The following DPP6 variants were observed in gnomAD, a reference collection of about 807,000 sequenced individuals.
The protein encoded by DPP6 is A-type potassium channel modulatory protein DPP6.
Under a neutral mutation model 122.6 loss-of-function variants are expected in DPP6, and 69 were observed. The ratio of observed to expected loss-of-function variants is 0.56; its 90% CI spans 0.46 to 0.69. The LOEUF is 0.69. Ranked by LOEUF, DPP6 falls within the 30% of genes least tolerant of loss-of-function variation. The probability of loss-of-function intolerance (pLI) is 0.00; values close to 1 mark genes in which losing one functional copy is unlikely to be tolerated. For synonymous variants in DPP6, 418 were observed against 433.1 expected (o/e 0.97, Z 0.43); for missense variants, 928 against 1,116.9 (o/e 0.83, Z 2.41).
chr7:154,786,758 G>A (rs1797362622), intron 10 of DPP6, among the ~76,000 whole-genome samples: 3 of 152,118 alleles, frequency 2.0e-5, no homozygotes, highest in African/African-American at 7.2e-5. Context: ...CTTTCCAAAA[G>A]CTTTTTGAAT....
At chr7:154,723,354 CAA>C (rs1321839378) in intron 7 of DPP6, among the ~76,000 whole-genome samples, 2 of 150,608 alleles carry the variant, frequency 1.3e-5, no homozygotes, top group African/African-American at 4.9e-5. Flanking sequence ...AAAACCAAAG[CAA>C]AAAAAGAGGA....
intron 1 of DPP6, among the ~76,000 whole-genome samples, chr7:154,264,104 A>G (rs891124219): frequency 6.6e-6 from 1 of 152,172 alleles, no homozygotes; most frequent in African/African-American, 2.4e-5. Flanking sequence ...CTTTAACACA[A>G]TTAAAGCTCA....
chr7:153,791,885 CA>C, the DPP6 span, among the ~76,000 whole-genome samples: 1 of 152,098 alleles, frequency 6.6e-6, no homozygotes, highest in South Asian at 2.1e-4. Flanking sequence ...TTATTTGTAC[CA>C]AGTGATTTTA....
intron 1 of DPP6, among the ~76,000 whole-genome samples, chr7:153,955,260 A>G (rs1332728434): frequency 6.6e-6 from 1 of 152,108 alleles, no homozygotes; most frequent in East Asian, 1.9e-4. Flanking sequence ...CCTAGTGAAT[A>G]TTTGTCTAGA....
At chr7:154,749,669 A>C (rs1465405127) in intron 8 of DPP6, among the ~76,000 whole-genome samples, 16 of 81,514 alleles carry the variant, frequency 2.0e-4, no homozygotes, top group African/African-American at 6.3e-4. Flanking sequence ...CATTACTGAG[A>C]GAGGATGAGA....
Position 154,252,235 on chromosome 7 carries a change from T to TGTGTGTGTGTGC in DPP6, c.244-193978_244-193977insTGTGTGTGTGCG, listed in dbSNP as rs60245069. On this transcript the variant is annotated intron_variant, in intron 1 of 25. Transcript: ENST00000377770. ...TCACGTGTGTGTGTGTGTGTGTGTG[T>TGTGTGTGTGTGC]GCGCGCATGCGCACGGTGGTGGTGG... 5.1e-4 allele frequency among the ~76,000 whole-genome samples: 76 copies of TGTGTGTGTGTGC among 149,344 alleles called. 1 individual carries two copies. The highest frequency in any genetic ancestry group is 1.9e-3 in the African/African-American group (74 of 39,186).
chr7:153,925,639 T>C (rs1168474493), intron 1 of DPP6, among the ~76,000 whole-genome samples: 1 of 151,876 alleles, frequency 6.6e-6, no homozygotes, highest in Non-Finnish European at 1.5e-5. Flanking sequence ...GAGGTTCTGA[T>C]AAAGGGAGAT....
At chr7:154,578,684 A>G (rs924122767) in intron 5 of DPP6, among the ~76,000 whole-genome samples, 2 of 152,268 alleles carry the variant, frequency 1.3e-5, no homozygotes, top group African/African-American at 2.4e-5. Context: ...ACTTGNCTCT[A>G]GTGGACGGTG....
chr7:154,022,224 A>G (rs1487498526), intron 1 of DPP6, among the ~76,000 whole-genome samples: 2 of 152,098 alleles, frequency 1.3e-5, no homozygotes, highest in African/African-American at 4.8e-5. Context: ...AAAGTAATAA[A>G]TTATTATGAG....
chr7:154,129,264 A>G (rs1215905819), intron 1 of DPP6, among the ~76,000 whole-genome samples: 1 of 152,138 alleles, frequency 6.6e-6, no homozygotes, highest in Admixed American at 6.5e-5. Flanking sequence ...TGACATTAAC[A>G]AGAGGCTTAT....
rs371365609 is a variant in DPP6 at position 154,532,310 on chromosome 7, C to A, written c.458-8222C>A. On this transcript the variant is annotated intron_variant, in intron 3 of 25. Transcript: ENST00000377770. ...TGAACTGAATAATAATGTAATTGAGCATATCAAAATTTGTGAGACGTCACT... is the reference window on the plus strand; with the variant it reads ...TGAACTGAATAATAATGTAATTGAGAATATCAAAATTTGTGAGACGTCACT... Among the ~76,000 whole-genome samples the A allele has an allele frequency of 3.3e-5, 5 of 152,030 alleles. No homozygotes were observed. In the East Asian group the frequency reaches 7.7e-4, roughly 24 times the overall value.
chr7:154,330,395 A>T (rs973278599), intron 1 of DPP6, among the ~76,000 whole-genome samples: 2 of 152,192 alleles, frequency 1.3e-5, no homozygotes, highest in East Asian at 3.9e-4. Context: ...AGTGGCAGGG[A>T]TGAGGAGAGA....
At chr7:154,800,782 T>C (rs1477309427) in intron 12 of DPP6, among the ~76,000 whole-genome samples, 1 of 152,230 alleles carries the variant, frequency 6.6e-6, no homozygotes, top group Non-Finnish European at 1.5e-5. Context: ...TTTGTCCTTG[T>C]GTTTATTTTC....
chr7:154,082,636 C>T (rs73729274), intron 1 of DPP6, among the ~76,000 whole-genome samples: 4,098 of 151,858 alleles, frequency 0.027, 195 homozygotes, highest in African/African-American at 0.091. Flanking sequence ...AGGTAACCAC[C>T]GCCTGTGGAC....
intron 1 of DPP6, among the ~76,000 whole-genome samples, chr7:154,014,643 CAG>C (rs1798313285): frequency 6.6e-6 from 1 of 151,350 alleles, no homozygotes; most frequent in African/African-American, 2.4e-5. Context: ...GCCTGGGTGA[CAG>C]AGTGAGACTC....
chr7:154,845,665 TAAAA>T (rs911578780), intron 16 of DPP6, among the ~76,000 whole-genome samples: 167 of 152,230 alleles, frequency 1.1e-3, no homozygotes, highest in African/African-American at 3.9e-3. Context: ...AGTATAATAA[TAAAA>T]AAGAAAGATG....
intron 1 of DPP6, among the ~76,000 whole-genome samples, chr7:154,200,642 C>G (rs145983589): frequency 6.6e-6 from 1 of 152,316 alleles, no homozygotes; most frequent in East Asian, 1.9e-4. Context: ...CGTGAGGACT[C>G]TGAAGAATGC....
chr7:154,696,273 G>A (rs181730176), intron 7 of DPP6, among the ~76,000 whole-genome samples: 9 of 152,296 alleles, frequency 5.9e-5, no homozygotes, highest in African/African-American at 2.2e-4. Flanking sequence ...CTAAGAAGTC[G>A]TGTACCCCTG....
chr7:154,597,226 A>G (rs944672559), intron 5 of DPP6, among the ~76,000 whole-genome samples: 1 of 152,042 alleles, frequency 6.6e-6, no homozygotes, highest in African/African-American at 2.4e-5. Context: ...GAGGGGAGAC[A>G]GAGAGAGACA....
Sources: gnomAD v4.1 joint callset for allele counts (sites outside exome capture counted in the v4.1 genomes callset) on GRCh38, gnomAD v4.1.1 for gene constraint, MANE v1.5 for transcripts, NCBI Gene and HGNC (gene_info 2026-07-23, HGNC 2026-07-21) for gene names.